The following NRG3 variants were observed in gnomAD, a reference collection of about 807,000 sequenced individuals.
NRG3 encodes pro-neuregulin-3, membrane-bound isoform.
A neutral mutation model predicts 66.9 loss-of-function variants in NRG3; 31 were observed. The observed-to-expected ratio is 0.46, with a 90% CI of 0.35 to 0.63. The LOEUF is 0.63. Ranked by LOEUF, NRG3 falls within the 20% of genes least tolerant of loss-of-function variation. The pLI is 0.00. For synonymous variants in NRG3, 393 were observed against 359.4 expected (o/e 1.09, Z -1.06); for missense variants, 910 against 878.9 (o/e 1.04, Z -0.45).
chr10:82,844,930 G>A lies in NRG3; in HGVS notation c.1028-20481G>A, dbSNP rs752109057. On this transcript the variant is annotated intron_variant, in intron 3 of 8. Coordinates refer to ENST00000372141, the MANE Select transcript of NRG3 (RefSeq NM_001010848.4). The stretch of plus-strand genomic sequence containing the variant: ...AACACTTTGGGAGGCTGAGGCCGGC[G>A]GATCACTTGAGGTCAGGAGCTTGAG... 1.7e-4 allele frequency among the ~76,000 whole-genome samples: 26 copies of A among 152,130 alleles called. 1 individual carries two copies. The highest frequency in any genetic ancestry group is 2.6e-4 in the Non-Finnish European group (18 of 68,030).
chr10:81,888,152 G>C (rs905373499), intron 1 of NRG3, among the ~76,000 whole-genome samples: 1 of 151,954 alleles, frequency 6.6e-6, no homozygotes, highest in African/African-American at 2.4e-5. Flanking sequence ...ATGCAAAGAG[G>C]GTCTTCCTGG....
chr10:82,366,684 A>AT (rs34477449), intron 2 of NRG3, among the ~76,000 whole-genome samples: 8 of 151,000 alleles, frequency 5.3e-5, no homozygotes, highest in South Asian at 2.1e-4. Context: ...TTATTTTTTT[A>AT]TTTTTTTTGC....
At position 81,876,096 on chromosome 10, in the gene NRG3, CTCT is replaced by C. The variant is rs1306838456; in HGVS notation, c.762_764del (p.Ser260del). 3 of 1,611,186 alleles carry C rather than the reference CTCT, an allele frequency of 1.9e-6. No homozygotes were observed. Among genetic ancestry groups the C allele is most frequent in the Non-Finnish European group, 1.7e-6 (2 of 1,178,912 alleles). On this transcript the variant is annotated inframe_deletion, in exon 1 of 9. Coordinates refer to ENST00000372141, the MANE Select transcript of NRG3 (RefSeq NM_001010848.4). ...TGTCTCCCTTTCAGGATGCTGCCTC[CTCT>C]TCTTCCTCTTCTTCCTCCTCCGCTA...
At chr10:81,917,183 G>A (rs967228554) in intron 1 of NRG3, among the ~76,000 whole-genome samples, 8 of 152,106 alleles carry the variant, frequency 5.3e-5, no homozygotes, top group Non-Finnish European at 1.2e-4. Flanking sequence ...ATTATTAAGT[G>A]TACTTAAATT....
intron 1 of NRG3, among the ~76,000 whole-genome samples, chr10:82,231,341 C>T (rs1367279563): frequency 6.6e-6 from 1 of 151,846 alleles, no homozygotes; most frequent in Non-Finnish European, 1.5e-5. Context: ...AAGAGCGAGA[C>T]TCCGTCTCAA....
chr10:82,337,094 C>G (rs2082430441), intron 1 of NRG3, among the ~76,000 whole-genome samples: 1 of 152,074 alleles, frequency 6.6e-6, no homozygotes, highest in Admixed American at 6.6e-5. Context: ...TCCCCTTTTA[C>G]TTCTTACTAA....
At chr10:82,949,865 A>C (rs901723698) in intron 4 of NRG3, among the ~76,000 whole-genome samples, 8 of 152,162 alleles carry the variant, frequency 5.3e-5, no homozygotes, top group South Asian at 2.1e-4. Context: ...AAAAACAAAA[A>C]CAAAACCAAA....
At chr10:82,021,165 C>T (rs941069626) in intron 1 of NRG3, among the ~76,000 whole-genome samples, 19 of 152,052 alleles carry the variant, frequency 1.2e-4, no homozygotes, top group African/African-American at 4.6e-4. Flanking sequence ...TACACACTGC[C>T]ACCTGACCTT....
chr10:82,257,029 C>T (rs2134162072), intron 1 of NRG3, among the ~76,000 whole-genome samples: 1 of 152,280 alleles, frequency 6.6e-6, no homozygotes, highest in Non-Finnish European at 1.5e-5. Context: ...CTTCTCATGC[C>T]ATTTGCTCTG....
At chr10:82,083,782 G>T (rs28737362) in intron 1 of NRG3, among the ~76,000 whole-genome samples, 18 of 149,386 alleles carry the variant, frequency 1.2e-4, no homozygotes, top group Middle Eastern at 3.4e-3. Flanking sequence ...TGTTTTTTTT[G>T]TTTTTTGCAT....
chr10:82,376,891 C>T (rs992120094), intron 2 of NRG3, among the ~76,000 whole-genome samples: 27 of 152,190 alleles, frequency 1.8e-4, no homozygotes, highest in Admixed American at 1.5e-3. Flanking sequence ...TCATTGCAAT[C>T]TGTACATGGA....
intron 1 of NRG3, among the ~76,000 whole-genome samples, chr10:82,323,031 A>G (rs10787049): frequency 0.41 from 61,997 of 152,096 alleles, 18,032 homozygotes; most frequent in African/African-American, 0.82. Flanking sequence ...AAAAAGGAAA[A>G]AGGAGAAAAG....
At chr10:82,774,645 T>C (rs11818936) in intron 3 of NRG3, among the ~76,000 whole-genome samples, 3,105 of 152,006 alleles carry the variant, frequency 0.02, 101 homozygotes, top group African/African-American at 0.068. Context: ...CTATTTTATG[T>C]ACTTGAGTCT....
chr10:82,427,517 A>G (rs1015398110), intron 2 of NRG3, among the ~76,000 whole-genome samples: 2 of 152,192 alleles, frequency 1.3e-5, no homozygotes, highest in African/African-American at 4.8e-5. Context: ...ACAACCATAA[A>G]TTTATACAAT....
At chr10:82,091,806 C>T (rs1044000861) in intron 1 of NRG3, among the ~76,000 whole-genome samples, 4 of 152,110 alleles carry the variant, frequency 2.6e-5, no homozygotes, top group African/African-American at 7.2e-5. Context: ...ACGTTCTCAC[C>T]GACACTTGTG....
chr10:81,942,718 C>T (rs978502982), intron 1 of NRG3, among the ~76,000 whole-genome samples: 2 of 151,994 alleles, frequency 1.3e-5, no homozygotes, highest in Non-Finnish European at 2.9e-5. Flanking sequence ...TTGTTTATGC[C>T]GTTTGAGGAC....
At chr10:82,902,479 C>A (rs1844326987) in intron 4 of NRG3, among the ~76,000 whole-genome samples, 1 of 151,600 alleles carries the variant, frequency 6.6e-6, no homozygotes, top group South Asian at 2.1e-4. Flanking sequence ...TATGTCAGGG[C>A]CACGTGGTCT....
At chr10:82,521,642 C>T (rs1262024256) in intron 2 of NRG3, among the ~76,000 whole-genome samples, 1 of 152,076 alleles carries the variant, frequency 6.6e-6, no homozygotes, top group African/African-American at 2.4e-5. Flanking sequence ...CCCGGCCAGA[C>T]TGTGGAAAAT....
chr10:82,454,942 G>A (rs963736862), intron 2 of NRG3, among the ~76,000 whole-genome samples: 6 of 152,152 alleles, frequency 3.9e-5, no homozygotes, highest in African/African-American at 1.2e-4. Context: ...CTGTGAGGTA[G>A]ATAATAATAT....
Sources: allele counts gnomAD v4.1 joint callset (sites outside exome capture counted in the v4.1 genomes callset), GRCh38; gene constraint gnomAD v4.1.1; transcripts MANE v1.5; gene names NCBI Gene and HGNC (gene_info 2026-07-23, HGNC 2026-07-21).